TSPAN18: variants seen among roughly 807,000 people sequenced by gnomAD.
TSPAN18 encodes the protein tetraspanin 18, also known as tetraspanin-18.
A neutral mutation model predicts 27.3 loss-of-function variants in TSPAN18; 14 were observed. That is an observed-to-expected ratio of 0.51 (90% CI 0.34 to 0.80). The LOEUF (loss-of-function observed/expected upper bound fraction) is 0.80. Ranked by LOEUF, TSPAN18 falls within the 30% of genes least tolerant of loss-of-function variation. The probability of loss-of-function intolerance (pLI) is 0.01; values close to 1 mark genes in which losing one functional copy is unlikely to be tolerated. For synonymous variants in TSPAN18, 143 were observed against 136.5 expected (o/e 1.05, Z -0.33); for missense variants, 268 against 323.9 (o/e 0.83, Z 1.32).
intron 1 of TSPAN18, among the ~76,000 whole-genome samples, chr11:44,728,052 G>A (rs1854560104): frequency 6.6e-6 from 1 of 152,216 alleles, no homozygotes; most frequent in African/African-American, 2.4e-5. Context: ...CAGGAAGCGC[G>A]TTCTGGCTCC....
At chr11:44,809,796 G>A (rs1385775642) in intron 2 of TSPAN18, among the ~76,000 whole-genome samples, 1 of 152,180 alleles carries the variant, frequency 6.6e-6, no homozygotes, top group African/African-American at 2.4e-5. Context: ...GGTTTGTTAT[G>A]GGGAATAAGT....
chr11:44,741,611 T>C (rs922203605), intron 1 of TSPAN18, among the ~76,000 whole-genome samples: 2 of 152,198 alleles, frequency 1.3e-5, no homozygotes, highest in African/African-American at 2.4e-5. Flanking sequence ...AACGTGCTGC[T>C]AGAAGGAAGT....
intron 1 of TSPAN18, among the ~76,000 whole-genome samples, chr11:44,733,776 G>A (rs1468719028): frequency 6.6e-6 from 1 of 152,146 alleles, no homozygotes; most frequent in Non-Finnish European, 1.5e-5. Flanking sequence ...AAGCTTCGGG[G>A]TACCCTTCCA....
chr11:44,926,888 A>G (rs1377160480), intron 9 of TSPAN18, 131 bp downstream of exon 9: 1 of 875,732 alleles, frequency 1.1e-6, no homozygotes. Flanking sequence ...TGTGGGTGCT[A>G]TGGGGTGGTA....
intron 2 of TSPAN18, among the ~76,000 whole-genome samples, chr11:44,842,428 T>C (rs927990495): frequency 2.0e-5 from 3 of 152,198 alleles, no homozygotes; most frequent in East Asian, 3.9e-4. Context: ...TGCTCTGTGA[T>C]GCACAGAGCA....
At chr11:44,834,355 A>G (rs1440081212) in intron 2 of TSPAN18, among the ~76,000 whole-genome samples, 1 of 152,148 alleles carries the variant, frequency 6.6e-6, no homozygotes, top group Non-Finnish European at 1.5e-5. Context: ...TGGCTCCAAA[A>G]GGAGAGAGCC....
chr11:44,726,382 G>A (rs1300006902), upstream of TSPAN18: 2 of 152,430 alleles, frequency 1.3e-5, no homozygotes, highest in Non-Finnish European at 1.5e-5. Flanking sequence ...TCAGCCCTGA[G>A]GCCGGAGACA....
At chr11:44,748,901 G>A (rs1855144492) in intron 1 of TSPAN18, among the ~76,000 whole-genome samples, 1 of 152,224 alleles carries the variant, frequency 6.6e-6, no homozygotes, top group Non-Finnish European at 1.5e-5. Context: ...GAGCTAGAAT[G>A]TATTGAGAGC....
rs950330031 is a variant in TSPAN18, at chr11:44,858,906, A to C, written c.-152-1422A>C. On this transcript the variant is annotated intron_variant, in intron 2 of 9. Transcript: ENST00000520358. Reference sequence around the variant, plus strand: ...ACCTCTTTCCTGCAGCCGTTTATTTATTTCTTTATCATGCCCTTTTGGAAA... The same window carrying C: ...ACCTCTTTCCTGCAGCCGTTTATTTCTTTCTTTATCATGCCCTTTTGGAAA... Among the ~76,000 whole-genome samples the C allele has an allele frequency of 2.0e-5, 3 of 151,924 alleles. No homozygotes were observed. In the East Asian group the frequency reaches 5.8e-4, roughly 29 times the overall value.
At chr11:44,875,170 C>T (rs2135245897) in intron 3 of TSPAN18, among the ~76,000 whole-genome samples, 1 of 152,340 alleles carries the variant, frequency 6.6e-6, no homozygotes. Context: ...CAGCCCAACT[C>T]ACAGCCAGCT....
intron 1 of TSPAN18, among the ~76,000 whole-genome samples, chr11:44,730,635 T>C (rs935407250): frequency 2.3e-4 from 35 of 151,740 alleles, no homozygotes; most frequent in African/African-American, 7.0e-4. Flanking sequence ...TTTTTTTTTT[T>C]TTTTTTGAGA....
chr11:44,791,000 G>A (rs1856205434), intron 2 of TSPAN18, among the ~76,000 whole-genome samples: 1 of 152,184 alleles, frequency 6.6e-6, no homozygotes, highest in Non-Finnish European at 1.5e-5. Context: ...GGGCATCAGT[G>A]CAGAGTCTAT....
At position 44,927,043 on chromosome 11, in the gene TSPAN18, G is replaced by A. The variant is rs186568059; in HGVS notation, c.699+286G>A. Reference sequence around the variant, plus strand: ...CTCTTCCATCCTCATCCCCACCTCCGCCCCAGCTCCATGGTCCAGAGAGAT... The same window carrying A: ...CTCTTCCATCCTCATCCCCACCTCCACCCCAGCTCCATGGTCCAGAGAGAT... On this transcript the variant is annotated intron_variant, in intron 9 of 9. Transcript: ENST00000520358. Among the ~76,000 whole-genome samples the A allele has an allele frequency of 1.1e-4, 16 of 152,244 alleles. No homozygotes were observed. The East Asian group carries it at 1.7e-3, about 17-fold the overall frequency.
At chr11:44,856,405 A>G (rs1412253744) in intron 2 of TSPAN18, among the ~76,000 whole-genome samples, 1 of 152,070 alleles carries the variant, frequency 6.6e-6, no homozygotes, top group South Asian at 2.1e-4. Flanking sequence ...ACATGTAGGT[A>G]CCCTGTGCCT....
chr11:44,764,673 C>T (rs12273904), intron 2 of TSPAN18, among the ~76,000 whole-genome samples, 161 bp downstream of exon 2: 13,586 of 152,270 alleles, frequency 0.089, 671 homozygotes, highest in Middle Eastern at 0.14. Context: ...GGTGGCTTCA[C>T]TCTTGTCCTC....
intron 2 of TSPAN18, among the ~76,000 whole-genome samples, chr11:44,851,664 C>T (rs532243830): frequency 6.7e-6 from 1 of 148,996 alleles, no homozygotes; most frequent in South Asian, 2.2e-4. Flanking sequence ...TCTCTCTTCT[C>T]ATACATCTGC....
At chr11:44,789,850 G>A (rs1349052644) in intron 2 of TSPAN18, among the ~76,000 whole-genome samples, 1 of 152,214 alleles carries the variant, frequency 6.6e-6, no homozygotes, top group Admixed American at 6.5e-5. Flanking sequence ...GGAAAAGGCA[G>A]CCCTGCCCTC....
intron 5 of TSPAN18, among the ~76,000 whole-genome samples, chr11:44,915,302 G>A (rs533960176): frequency 1.2e-4 from 19 of 152,288 alleles, no homozygotes; most frequent in South Asian, 6.2e-4. Context: ...AGCGGCCTCC[G>A]TCACTGTCAC....
intron 1 of TSPAN18, among the ~76,000 whole-genome samples, chr11:44,748,754 G>A (rs945080463): frequency 2.6e-5 from 4 of 152,142 alleles, no homozygotes; most frequent in Non-Finnish European, 4.4e-5. Context: ...CAGAGGCAGC[G>A]GTCAAGTTGC....
Sources: allele counts gnomAD v4.1 joint callset (sites outside exome capture counted in the v4.1 genomes callset), GRCh38; gene constraint gnomAD v4.1.1; transcripts MANE v1.5; gene names NCBI Gene and HGNC (gene_info 2026-07-23, HGNC 2026-07-21).